The following CNOT7 variants were observed in gnomAD, a reference collection of about 807,000 sequenced individuals.
The protein encoded by CNOT7 is CCR4-NOT transcription complex subunit 7, also known as BTG1-binding factor 1.
A neutral mutation model predicts 37.1 loss-of-function variants in CNOT7; 4 were observed. The observed-to-expected ratio is 0.11, with a 90% CI of 0.05 to 0.25. The LOEUF (loss-of-function observed/expected upper bound fraction) is 0.25. CNOT7 is among the 10% of genes least tolerant of loss of function. The pLI is 1.00. For synonymous variants in CNOT7, 128 were observed against 115.6 expected, an observed-to-expected ratio of 1.11 and a Z score of -0.69; for missense variants, 170 against 336.2, an observed-to-expected ratio of 0.51 and a Z score of 3.87.
At chr8:17,239,224 T>C (rs2904700) in intron 3 of CNOT7, among the ~76,000 whole-genome samples, 77,324 of 151,820 alleles carry the variant, frequency 0.51, 23,608 homozygotes, top group Non-Finnish European at 0.71. Flanking sequence ...GGCTAATTTT[T>C]CTATTTTTGT....
chr8:17,231,719 G>A (rs556258163), intron 6 of CNOT7: 1 of 985,318 alleles, frequency 1.0e-6, no homozygotes, highest in Non-Finnish European at 1.2e-6. Flanking sequence ...GTGTATCTGT[G>A]CACATCACTT....
At chr8:17,241,108 C>T (rs1316028121) in intron 3 of CNOT7, among the ~76,000 whole-genome samples, 1 of 152,048 alleles carries the variant, frequency 6.6e-6, no homozygotes, top group Admixed American at 6.6e-5. Context: ...CACTCTGTTG[C>T]CCAGGCTGGA....
At chr8:17,237,470 A>T in intron 3 of CNOT7, 97 bp from the exon 4 acceptor site, 2 of 1,145,452 alleles carry the variant, frequency 1.7e-6, no homozygotes, top group Non-Finnish European at 2.5e-6. Context: ...CAGAAAAGAG[A>T]CAGAGGAATG....
intron 3 of CNOT7, chr8:17,241,312 T>A (rs185033392): frequency 6.7e-6 from 1 of 149,538 alleles, no homozygotes; most frequent in Non-Finnish European, 1.5e-5. Flanking sequence ...AGAGTCTATG[T>A]TGACCAGGCT....
At position 17,234,915 on chromosome 8, in the gene CNOT7, A is replaced by G. The variant is rs1486207276; in HGVS notation, c.474-55T>C. 3.4e-6 allele frequency: 4 copies of G among 1,167,622 alleles called. No homozygotes were observed. The African/African-American group carries it at 6.6e-5, about 19-fold the overall frequency. The allele number at this position is 1,167,622 out of a possible 1,614,324, so 72.3% of individuals were successfully genotyped here. On this transcript the variant is annotated intron_variant, in intron 4 of 6. Transcript: ENST00000361272. ...GGGACATATAAATACTATAAAGATT[A>G]AAAAAAAAAGTTTTTCTGATTCAAA... is the stretch of plus-strand genomic sequence containing the variant.
chr8:17,231,707 AG>A (rs1435429629), intron 6 of CNOT7: 1 of 985,290 alleles, frequency 1.0e-6, no homozygotes, highest in Non-Finnish European at 1.2e-6. Flanking sequence ...ACCTATAGCT[AG>A]GTGTATCTGT....
In CNOT7 at chr8:17,237,199, G is replaced by A. The variant is rs759837703; in HGVS notation, c.473+13C>T. 2 of 1,611,786 alleles carry A rather than the reference G, an allele frequency of 1.2e-6. No individual in the cohort carries two copies. Among genetic ancestry groups the A allele is most frequent in the Non-Finnish European group, 1.7e-6 (2 of 1,178,786 alleles). The stretch of plus-strand genomic sequence containing the variant: ...TGGAAAAACAAATGCCATTTTCAAT[G>A]TAGTCGTTTTACCTATGAAATGACA... On this transcript the variant is annotated intron_variant, in intron 4 of 6. Transcript: ENST00000361272.
intron 4 of CNOT7, among the ~76,000 whole-genome samples, chr8:17,236,706 C>T (rs1292925137): frequency 2.6e-5 from 4 of 152,148 alleles, no homozygotes; most frequent in African/African-American, 7.2e-5. Context: ...ACGTGAACTC[C>T]ATTTTTAAAA....
At chr8:17,234,559 T>G in intron 5 of CNOT7, 157 bp downstream of exon 5, 1 of 750,454 alleles carries the variant, frequency 1.3e-6, no homozygotes, top group South Asian at 1.7e-5. Context: ...CTACAAATTA[T>G]GTATGCAAGA....
rs1017990571 is a variant in CNOT7 at position 17,225,463 on chromosome 8, C to T, written c.*5257G>A. On this transcript the variant is annotated 3_prime_UTR_variant, in exon 7 of 7. Transcript: ENST00000361272. Reference sequence around the variant, plus strand: ...TGTAGCTTGTTCATTCACCTACAGACTATGGCTACAAAGCAATGAAATGGA... The same window carrying T: ...TGTAGCTTGTTCATTCACCTACAGATTATGGCTACAAAGCAATGAAATGGA... 3.3e-5 allele frequency: 5 copies of T among 151,726 alleles called. No individual in the cohort carries two copies. Among genetic ancestry groups the T allele is most frequent in the Non-Finnish European group, 7.4e-5 (5 of 67,706 alleles). 9.4% of individuals were successfully genotyped at this position (151,726 alleles called of 1,614,324 possible).
Position 17,246,801 on chromosome 8 carries a change from G to C in CNOT7, c.-222C>G, listed in dbSNP as rs1420576443. 4.9e-6 allele frequency: 1 copy of C among 205,422 alleles called. No individual in the cohort carries two copies. The highest frequency in any genetic ancestry group is 1.0e-5 in the Non-Finnish European group (1 of 99,586). The allele number at this position is 205,422 out of a possible 1,614,324, so 12.7% of individuals were successfully genotyped here. A position where few individuals can be genotyped will look rare whatever the true frequency, so the allele number is the denominator to read the frequency against. On this transcript the variant is annotated 5_prime_UTR_variant, in exon 1 of 7. Coordinates refer to ENST00000361272, the MANE Select transcript of CNOT7 (RefSeq NM_013354.7). ...GCCCCATAGACACCTCTCGCCCAGC[G>C]AAGGGAAAGGCGAGCAGGAGCTGCG...
At position 17,229,819 on chromosome 8, in the gene CNOT7, A is replaced by AT. The variant is rs1213941097; in HGVS notation, c.*900dup. On this transcript the variant is annotated 3_prime_UTR_variant, in exon 7 of 7. Transcript: ENST00000361272. The stretch of plus-strand genomic sequence containing the variant: ...GTGTAACCAACAAATCAAGAGCATC[A>AT]TAAGAATGGCTACAAAATTTAAAAA... The AT allele has an allele frequency of 1.4e-5, 2 of 146,254 alleles. No individual in the cohort carries two copies. The highest frequency in any genetic ancestry group is 3.9e-4 in the East Asian group (2 of 5,070). The allele number at this position is 146,254 out of a possible 1,614,324, so 9.1% of individuals were successfully genotyped here.
intron 3 of CNOT7, chr8:17,242,490 T>A (rs143580731): frequency 1.3e-5 from 2 of 152,512 alleles, no homozygotes; most frequent in African/African-American, 4.8e-5. Context: ...TTCTCCTATA[T>A]GTAAATTAAG....
chr8:17,244,471 C>A (rs1297267784), intron 2 of CNOT7: 1 of 152,290 alleles, frequency 6.6e-6, no homozygotes, highest in East Asian at 1.9e-4. Context: ...CATAGCCACG[C>A]CCTAATGTTC....
At chr8:17,238,909 C>A (rs1809760999) in intron 3 of CNOT7, among the ~76,000 whole-genome samples, 1 of 152,200 alleles carries the variant, frequency 6.6e-6, no homozygotes, top group Non-Finnish European at 1.5e-5. Context: ...CTAATTGCTA[C>A]CAATGCCTTA....
At chr8:17,237,109 C>G in intron 4 of CNOT7, 103 bp downstream of exon 4, 1 of 1,157,918 alleles carries the variant, frequency 8.6e-7, no homozygotes, top group Non-Finnish European at 1.3e-6. Flanking sequence ...GCAGTCAACT[C>G]TTTCCAGAAT....
chr8:17,244,875 T>G (rs1585854533), intron 2 of CNOT7, 161 bp downstream of exon 2: 2 of 612,692 alleles, frequency 3.3e-6, no homozygotes, highest in Admixed American at 3.0e-5. Flanking sequence ...AAATCACAGG[T>G]GTATTCCTGA....
chr8:17,238,611 G>A (rs1304414182), intron 3 of CNOT7, among the ~76,000 whole-genome samples: 1 of 151,222 alleles, frequency 6.6e-6, no homozygotes, highest in Non-Finnish European at 1.5e-5. Context: ...TGCTCACACT[G>A]AGGCATGCCT....
At chr8:17,244,840 C>A (rs1810676516) in intron 2 of CNOT7, 196 bp downstream of exon 2, 1 of 522,788 alleles carries the variant, frequency 1.9e-6, no homozygotes, top group Non-Finnish European at 3.4e-6. Flanking sequence ...TCCCTCACTG[C>A]AATGAGGGAT....
Sources: allele counts gnomAD v4.1 joint callset (sites outside exome capture counted in the v4.1 genomes callset), GRCh38; gene constraint gnomAD v4.1.1; transcripts MANE v1.5; gene names NCBI Gene and HGNC (gene_info 2026-07-23, HGNC 2026-07-21).